Variants in TENM1 observed in about 807,000 individuals in gnomAD.
The protein encoded by TENM1 is teneurin-1.
Under a neutral mutation model 174.8 loss-of-function variants are expected in TENM1, and 35 were observed. The ratio of observed to expected loss-of-function variants is 0.20; its 90% CI spans 0.15 to 0.27. TENM1 has a LOEUF of 0.27. Ranked by LOEUF, TENM1 falls within the 10% of genes least tolerant of loss-of-function variation. The probability of loss-of-function intolerance (pLI) is 1.00; values close to 1 mark genes in which losing one functional copy is unlikely to be tolerated. For missense variants in TENM1, 1,633 were observed against 2,130.1 expected (o/e 0.77, Z 4.59); for synonymous variants, 781 against 798.7 (o/e 0.98, Z 0.37).
chrX:124,589,685 T>A (rs2049681413), intron 11 of TENM1, among the ~76,000 whole-genome samples: 1 of 111,528 alleles, frequency 9.0e-6, no homozygotes, highest in African/African-American at 3.3e-5. Context: ...TCCTCTAGAC[T>A]TTCTAGTTTG....
At chrX:125,089,191 A>G in the TENM1 span, among the ~76,000 whole-genome samples, 4 of 111,822 alleles carry the variant, frequency 3.6e-5, no homozygotes, top group Non-Finnish European at 7.5e-5. Context: ...AGAGGTTGAT[A>G]AATTTTCGGG....
chrX:125,130,574 G>C, the TENM1 span, among the ~76,000 whole-genome samples: 1 of 110,803 alleles, frequency 9.0e-6, no homozygotes, highest in African/African-American at 3.3e-5. Flanking sequence ...ATTAAAATAT[G>C]TATACTATAA....
chrX:124,748,995 T>G (rs766245601), intron 3 of TENM1, among the ~76,000 whole-genome samples: 64 of 111,625 alleles, frequency 5.7e-4, no homozygotes, highest in Admixed American at 9.6e-4. Context: ...TCAGGTGCCA[T>G]CTAGTAAGTA....
At chrX:125,151,983 C>A in the TENM1 span, among the ~76,000 whole-genome samples, 1 of 111,579 alleles carries the variant, frequency 9.0e-6, no homozygotes, top group Non-Finnish European at 1.9e-5. Flanking sequence ...GGCCTGAGCA[C>A]GGTGGCTCAT....
At chrX:124,727,993 A>G (rs756199215) in intron 4 of TENM1, among the ~76,000 whole-genome samples, 1 of 111,450 alleles carries the variant, frequency 9.0e-6, no homozygotes, top group African/African-American at 3.3e-5. Context: ...AACATTTTAG[A>G]AAATATTTAA....
intron 1 of TENM1, among the ~76,000 whole-genome samples, chrX:124,924,741 TG>T (rs1569482401): frequency 9.0e-6 from 1 of 111,241 alleles, no homozygotes; most frequent in Non-Finnish European, 1.9e-5. Context: ...ACCAAAGAAA[TG>T]ACTATTTGAG....
intron 17 of TENM1, 40 bp downstream of exon 20, chrX:124,523,324 G>A (rs1367552492): frequency 6.7e-6 from 8 of 1,186,167 alleles, no homozygotes; most frequent in Non-Finnish European, 8.0e-6. Flanking sequence ...ACCACTCCAT[G>A]ATATTATTAT....
At chrX:124,920,352 CT>C (rs2058000179) in intron 1 of TENM1, among the ~76,000 whole-genome samples, 1 of 111,152 alleles carries the variant, frequency 9.0e-6, no homozygotes, top group South Asian at 3.7e-4. Context: ...ACACGTAGAT[CT>C]ACTTAACTTT....
intron 1 of TENM1, among the ~76,000 whole-genome samples, chrX:124,917,696 C>T (rs1199195904): frequency 8.9e-6 from 1 of 111,873 alleles, no homozygotes; most frequent in Admixed American, 9.5e-5. Context: ...TGTGCTTGCT[C>T]TGCTAGCTGG....
At chrX:125,136,705 C>G in the TENM1 span, among the ~76,000 whole-genome samples, 1 of 111,491 alleles carries the variant, frequency 9.0e-6, no homozygotes, top group Non-Finnish European at 1.9e-5. Context: ...CAACCAACCA[C>G]AGATTGAAAC....
At chrX:124,645,656 T>C (rs1306760062) in intron 9 of TENM1, among the ~76,000 whole-genome samples, 1 of 112,192 alleles carries the variant, frequency 8.9e-6, no homozygotes, top group African/African-American at 3.2e-5. Flanking sequence ...GGGAGATATG[T>C]GTTTACTTTT....
chrX:124,422,418 T>C (rs2060664280), exon 24 of TENM1: 3 of 1,211,708 alleles, frequency 2.5e-6, no homozygotes, highest in Non-Finnish European at 3.4e-6. Flanking sequence ...CAGCCCGCTG[T>C]GGGAGACACT....
intron 3 of TENM1, among the ~76,000 whole-genome samples, chrX:124,808,099 T>C (rs776934036): frequency 1.8e-5 from 2 of 111,522 alleles, no homozygotes; most frequent in Admixed American, 9.6e-5. Context: ...ATATAATCTA[T>C]AAGGACACAT....
At chrX:124,993,506 T>C in the TENM1 span, among the ~76,000 whole-genome samples, 5 of 110,520 alleles carry the variant, frequency 4.5e-5, no homozygotes, top group East Asian at 1.1e-3. Context: ...AAACCCTATA[T>C]GTACTGAGCT....
chrX:124,485,367 C>T (rs2046931738), intron 21 of TENM1, among the ~76,000 whole-genome samples: 1 of 111,095 alleles, frequency 9.0e-6, no homozygotes, highest in Non-Finnish European at 1.9e-5. Context: ...CCATACCAGA[C>T]AAGGCATCTC....
At chrX:124,625,654 C>G (rs2050619015) in intron 11 of TENM1, among the ~76,000 whole-genome samples, 1 of 110,571 alleles carries the variant, frequency 9.0e-6, no homozygotes, top group African/African-American at 3.3e-5. Flanking sequence ...GGGAAACTTA[C>G]AATCATGGCA....
chrX:124,483,926 T>C, intron 21 of TENM1, among the ~76,000 whole-genome samples: 1 of 111,974 alleles, frequency 8.9e-6, no homozygotes, highest in Non-Finnish European at 1.9e-5. Context: ...TAAAACTTAT[T>C]AAATGAAGTC....
intron 19 of TENM1, among the ~76,000 whole-genome samples, chrX:124,499,122 T>C (rs898492858): frequency 1.5e-4 from 17 of 111,638 alleles, no homozygotes; most frequent in African/African-American, 5.5e-4. Context: ...AATGAATGAA[T>C]GCAGTTATAC....
chrX:124,981,317 C>T, the TENM1 span, among the ~76,000 whole-genome samples: 1 of 111,485 alleles, frequency 9.0e-6, no homozygotes, highest in East Asian at 2.8e-4. Flanking sequence ...GAGTATCAAA[C>T]TCTAGATACT....
Sources: allele counts gnomAD v4.1 joint callset (sites outside exome capture counted in the v4.1 genomes callset), GRCh38; gene constraint gnomAD v4.1.1; transcripts MANE v1.5; gene names NCBI Gene and HGNC (gene_info 2026-07-23, HGNC 2026-07-21).